WARS2: variants seen among roughly 807,000 people sequenced by gnomAD.
WARS2 encodes tryptophanyl tRNA synthetase 2, mitochondrial.
WARS2 carries 28 observed loss-of-function variants against 36.5 expected under a neutral mutation model. The ratio of observed to expected loss-of-function variants is 0.77; its 90% CI spans 0.57 to 1.05. WARS2 has a LOEUF of 1.05. WARS2 is among the 50% of genes least tolerant of loss of function. WARS2 has a pLI of 0.00. For missense variants in WARS2, 435 were observed against 456.8 expected (o/e 0.95, Z 0.44); for synonymous variants, 174 against 178.4 (o/e 0.98, Z 0.20).
chr1:119,101,770 C>G (rs893105210), intron 1 of WARS2, among the ~76,000 whole-genome samples: 7 of 152,066 alleles, frequency 4.6e-5, no homozygotes, highest in African/African-American at 1.2e-4. Flanking sequence ...GACACAAGAG[C>G]AGGAAAGAGC....
intron 1 of WARS2, among the ~76,000 whole-genome samples, chr1:119,129,507 G>A (rs943294993): frequency 1.3e-5 from 2 of 152,078 alleles, no homozygotes; most frequent in Admixed American, 6.5e-5. Context: ...CCAGGAGTTC[G>A]AGATCAGACT....
chr1:119,112,076 C>T (rs1462692683), intron 1 of WARS2, among the ~76,000 whole-genome samples: 11 of 152,210 alleles, frequency 7.2e-5, no homozygotes, highest in South Asian at 4.1e-4. Flanking sequence ...GCATGCACCA[C>T]CATGCCTGGC....
chr1:119,139,056 A>C (rs1438141556), intron 1 of WARS2, among the ~76,000 whole-genome samples: 1 of 152,096 alleles, frequency 6.6e-6, no homozygotes, highest in Non-Finnish European at 1.5e-5. Context: ...GTTTGGAATA[A>C]GGGGAAGTTT....
At chr1:119,085,221 T>C in intron 1 of WARS2, 1 of 842,398 alleles carries the variant, frequency 1.2e-6, no homozygotes, top group South Asian at 1.3e-5. Context: ...CCTGTGCTCG[T>C]GCTTGGGTTT....
At chr1:119,091,593 A>T (rs1433023169) in intron 1 of WARS2, among the ~76,000 whole-genome samples, 9 of 152,200 alleles carry the variant, frequency 5.9e-5, no homozygotes, top group Non-Finnish European at 1.3e-4. Context: ...ATTCTCTTAC[A>T]CTGCTCACGC....
intron 2 of WARS2, among the ~76,000 whole-genome samples, chr1:119,062,668 C>T (rs1158422206): frequency 6.6e-6 from 1 of 152,124 alleles, no homozygotes; most frequent in East Asian, 1.9e-4. Context: ...GTTTCCCATG[C>T]TATTCTCATG....
intron 1 of WARS2, among the ~76,000 whole-genome samples, chr1:119,088,899 T>C (rs1210069277): frequency 6.6e-6 from 1 of 152,164 alleles, no homozygotes; most frequent in Non-Finnish European, 1.5e-5. Context: ...CTTGGCAAAC[T>C]CCCTACTTCC....
Position 119,032,987 on chromosome 1 carries a change from T to C in WARS2, c.1007A>G (p.Gln336Arg), listed in dbSNP as rs1439095952. Reference protein sequence around the residue: ...LDKDHLEKVLQIGSAKAKELA... With the variant: ...LDKDHLEKVLRIGSAKAKELA... ...TTCTTTGGCTTTTGCTGATCCAATT[T>C]GTAAAACCTTCTCTAAATGGTCCTT... The change falls in exon 6 of 6, where the codon CAA (glutamine) becomes CGA (arginine). Residue 336 changes from glutamine to arginine, a missense_variant. Physicochemically the swap from Gln to Arg is conservative, Grantham distance 43. Transcript: ENST00000235521. 7.4e-6 allele frequency: 12 copies of C among 1,614,278 alleles called. No homozygotes were observed. The highest frequency in any genetic ancestry group is 9.3e-6 in the Non-Finnish European group (11 of 1,180,050).
At chr1:119,040,473 G>C (rs1648254015) in intron 4 of WARS2, among the ~76,000 whole-genome samples, 1 of 152,156 alleles carries the variant, frequency 6.6e-6, no homozygotes, top group South Asian at 2.1e-4. Flanking sequence ...TTCTAGTGCT[G>C]ACAATTCTCA....
At chr1:119,033,687 C>A (rs1647640480) in intron 5 of WARS2, among the ~76,000 whole-genome samples, 1 of 152,172 alleles carries the variant, frequency 6.6e-6, no homozygotes, top group Non-Finnish European at 1.5e-5. Flanking sequence ...CTAGGCTAAG[C>A]TGTGATGTTC....
chr1:119,068,680 G>T (rs1651060978), intron 2 of WARS2, among the ~76,000 whole-genome samples: 1 of 152,186 alleles, frequency 6.6e-6, no homozygotes, highest in Admixed American at 6.5e-5. Context: ...ACCCCAGGCA[G>T]CTGTACGACT....
At chr1:119,131,462 T>TTG (rs1553182541) in intron 1 of WARS2, among the ~76,000 whole-genome samples, 4 of 146,202 alleles carry the variant, frequency 2.7e-5, no homozygotes, top group South Asian at 4.3e-4. Flanking sequence ...TTTTTTGTTT[T>TTG]TTGTTTTTTT....
At chr1:119,084,525 T>G (rs12044562) in intron 1 of WARS2, among the ~76,000 whole-genome samples, 8,350 of 152,184 alleles carry the variant, frequency 0.055, 424 homozygotes, top group East Asian at 0.19. Context: ...AAAGTTGTAA[T>G]GAAAAAGAAA....
At position 119,041,183 on chromosome 1, in the gene WARS2, G is replaced by T. The variant is rs139312532; in HGVS notation, c.515+1081C>A. On this transcript the variant is annotated intron_variant, in intron 4 of 5. Transcript: ENST00000235521. ...TGCTATTATCAGACTTCCATGCAAAGAATTGCAATTCACAGCTTTAGGGGA... is the reference window on the plus strand; with the variant it reads ...TGCTATTATCAGACTTCCATGCAAATAATTGCAATTCACAGCTTTAGGGGA... 2.6e-5 allele frequency among the ~76,000 whole-genome samples: 4 copies of T among 152,276 alleles called. No homozygotes were observed. In the East Asian group the frequency reaches 7.7e-4, roughly 29 times the overall value.
At chr1:119,105,784 G>A (rs1436098417) in intron 1 of WARS2, among the ~76,000 whole-genome samples, 1 of 152,104 alleles carries the variant, frequency 6.6e-6, no homozygotes, top group Non-Finnish European at 1.5e-5. Flanking sequence ...GGTAATGCGC[G>A]CTTGTAATCC....
intron 1 of WARS2, chr1:119,126,818 C>A: frequency 1.3e-6 from 1 of 744,324 alleles, no homozygotes; most frequent in Non-Finnish European, 2.5e-6. Context: ...CCTCTCAGGT[C>A]ATGATTTCCA....
intron 1 of WARS2, among the ~76,000 whole-genome samples, chr1:119,121,073 G>A (rs768709498): frequency 2.0e-5 from 3 of 151,952 alleles, no homozygotes; most frequent in African/African-American, 2.4e-5. Context: ...AGAAATAAAG[G>A]GCATCCAAAT....
intron 2 of WARS2, among the ~76,000 whole-genome samples, chr1:119,053,102 A>C (rs144672038): frequency 7.6e-4 from 116 of 152,356 alleles, no homozygotes; most frequent in African/African-American, 2.7e-3. Flanking sequence ...CCTCCGAAGC[A>C]GGGGTCAGCA....
intron 3 of WARS2, among the ~76,000 whole-genome samples, chr1:119,043,417 A>G (rs1468896267): frequency 6.6e-6 from 1 of 152,164 alleles, no homozygotes; most frequent in African/African-American, 2.4e-5. Flanking sequence ...GTGCAGACAT[A>G]TTTTTTAAGG....
Sources: allele counts gnomAD v4.1 joint callset (sites outside exome capture counted in the v4.1 genomes callset), GRCh38; gene constraint gnomAD v4.1.1; transcripts MANE v1.5; gene names NCBI Gene and HGNC (gene_info 2026-07-23, HGNC 2026-07-21).